Variants in SPMIP4 observed in about 807,000 individuals in gnomAD.
SPMIP4 encodes sperm microtubule inner protein 4.
At chr7:25,166,677 G>A in the SPMIP4 span, among the ~76,000 whole-genome samples, 4,351 of 151,640 alleles carry the variant, frequency 0.029, 190 homozygotes, top group African/African-American at 0.097. Context: ...ACCTGAGGTC[G>A]GGAGTTCGAG....
At chr7:25,137,597 G>A in the SPMIP4 span, among the ~76,000 whole-genome samples, 1 of 152,014 alleles carries the variant, frequency 6.6e-6, no homozygotes, top group Non-Finnish European at 1.5e-5. Flanking sequence ...CAAGATTCTG[G>A]GTGGTTTAAT....
the SPMIP4 span, chr7:25,135,847 T>C: frequency 1.4e-6 from 2 of 1,413,246 alleles, no homozygotes; most frequent in Non-Finnish European, 1.8e-6. Context: ...CCTGAAAATG[T>C]AAACCTCACT....
At chr7:25,158,368 CAAAAAA>C in the SPMIP4 span, 64 of 298,496 alleles carry the variant, frequency 2.1e-4, no homozygotes, top group Middle Eastern at 1.2e-3. Context: ...GACTCTGTCT[CAAAAAA>C]AAAAAAAAAA....
the SPMIP4 span, among the ~76,000 whole-genome samples, chr7:25,159,355 C>G: frequency 1.3e-5 from 2 of 152,210 alleles, no homozygotes; most frequent in Non-Finnish European, 2.9e-5. Flanking sequence ...TTTTCTGAAG[C>G]AGTTCATTCC....
the SPMIP4 span, among the ~76,000 whole-genome samples, chr7:25,147,269 G>C: frequency 0.049 from 7,470 of 152,246 alleles, 203 homozygotes; most frequent in East Asian, 0.099. Flanking sequence ...ACTTCAGCCT[G>C]GGTGACAGAA....
chr7:25,142,205 C>T, the SPMIP4 span: 3 of 1,498,190 alleles, frequency 2.0e-6, no homozygotes, highest in African/African-American at 2.7e-5. Flanking sequence ...CAGCACTCTC[C>T]CCCAAAATAA....
the SPMIP4 span, among the ~76,000 whole-genome samples, chr7:25,149,559 A>T: frequency 1.3e-5 from 2 of 152,208 alleles, no homozygotes; most frequent in Non-Finnish European, 2.9e-5. Context: ...GAAATAAATA[A>T]ATAAATCAGC....
chr7:25,158,160 G>A, the SPMIP4 span, among the ~76,000 whole-genome samples: 1 of 151,936 alleles, frequency 6.6e-6, no homozygotes. Flanking sequence ...TTGAGCCCAG[G>A]GGTTCAAGAC....
chr7:25,141,721 AC>A, the SPMIP4 span, among the ~76,000 whole-genome samples: 1 of 143,822 alleles, frequency 7.0e-6, no homozygotes, highest in African/African-American at 2.5e-5. Context: ...AAAAAAAAAA[AC>A]CACTCTGAAG....
chr7:25,133,377 T>G, the SPMIP4 span, among the ~76,000 whole-genome samples: 1 of 152,342 alleles, frequency 6.6e-6, no homozygotes, highest in East Asian at 1.9e-4. Flanking sequence ...AATAGCAAGT[T>G]GTCTTCTGTA....
the SPMIP4 span, among the ~76,000 whole-genome samples, chr7:25,161,756 G>A: frequency 7.8e-6 from 1 of 128,636 alleles, no homozygotes; most frequent in Non-Finnish European, 1.7e-5. Flanking sequence ...TGCCCAGCCA[G>A]GATGTATTTT....
the SPMIP4 span, chr7:25,125,850 C>T: frequency 1.1e-6 from 1 of 930,046 alleles, no homozygotes; most frequent in Non-Finnish European, 1.3e-6. Context: ...GGCACCAGCT[C>T]GTGACCTTGT....
the SPMIP4 span, chr7:25,158,640 C>G: frequency 1.6e-5 from 14 of 871,920 alleles, no homozygotes; most frequent in African/African-American, 2.4e-4. Context: ...TGGCTCATGC[C>G]TGTAATCCCA....
chr7:25,145,288 G>A, the SPMIP4 span, among the ~76,000 whole-genome samples: 1 of 152,124 alleles, frequency 6.6e-6, no homozygotes, highest in Non-Finnish European at 1.5e-5. Flanking sequence ...AAAAAATATT[G>A]TTCTATGAGG....
At chr7:25,136,068 T>C in the SPMIP4 span, 1 of 1,614,132 alleles carries the variant, frequency 6.2e-7, no homozygotes, top group Non-Finnish European at 8.5e-7. The surrounding 1 kb of genome is among the most constrained non-coding windows in gnomAD (Gnocchi z 5.7). Context: ...CTAGAATTGA[T>C]TTATGGAAAC....
At chr7:25,145,845 C>G in the SPMIP4 span, among the ~76,000 whole-genome samples, 17 of 152,192 alleles carry the variant, frequency 1.1e-4, no homozygotes, top group East Asian at 2.9e-3. Flanking sequence ...GAGTTCTGTG[C>G]TAGGCACCAA....
the SPMIP4 span, among the ~76,000 whole-genome samples, chr7:25,158,750 T>C: frequency 6.7e-6 from 1 of 148,412 alleles, no homozygotes; most frequent in Admixed American, 6.7e-5. Context: ...ATACCAAAAA[T>C]ACAAAAAAAA....
the SPMIP4 span, among the ~76,000 whole-genome samples, chr7:25,156,209 G>C: frequency 6.6e-6 from 1 of 152,106 alleles, no homozygotes; most frequent in Non-Finnish European, 1.5e-5. Flanking sequence ...GCATCTACAA[G>C]CCAAGGAGTG....
chr7:25,140,917 A>T, the SPMIP4 span, among the ~76,000 whole-genome samples: 12 of 152,330 alleles, frequency 7.9e-5, no homozygotes, highest in East Asian at 2.3e-3. Flanking sequence ...TCAAACTGAA[A>T]TAATCTTACA....
Sources: gnomAD v4.1 joint callset for allele counts (sites outside exome capture counted in the v4.1 genomes callset) on GRCh38, gnomAD v4.1.1 for gene constraint, Gnocchi (gnomAD v3.1) non-coding constraint, MANE v1.5 for transcripts, NCBI Gene and HGNC (gene_info 2026-07-23, HGNC 2026-07-21) for gene names.